The following DGLUCY variants were observed in gnomAD, a reference collection of about 807,000 sequenced individuals.
DGLUCY encodes the protein D-glutamate cyclase.
A neutral mutation model predicts 58.5 loss-of-function variants in DGLUCY; 58 were observed. The observed-to-expected ratio is 0.99, with a 90% CI of 0.80 to 1.23. The LOEUF is 1.23. DGLUCY is among the 50% of genes most tolerant of loss of function. The pLI, the probability that DGLUCY is intolerant of heterozygous loss-of-function variation, is 0.00. For missense variants in DGLUCY, 779 were observed against 784.7 expected, an observed-to-expected ratio of 0.99 and a Z score of 0.09; for synonymous variants, 325 against 314.1, an observed-to-expected ratio of 1.03 and a Z score of -0.37.
intron 1 of DGLUCY, among the ~76,000 whole-genome samples, chr14:91,064,658 G>C (rs903900227): frequency 2.6e-5 from 4 of 151,448 alleles, no homozygotes; most frequent in African/African-American, 9.7e-5. Flanking sequence ...AGAAAAGTTG[G>C]AATAAGAAGG....
chr14:91,102,736 A>AGAGT (rs1555391094), intron 1 of DGLUCY, among the ~76,000 whole-genome samples: 10 of 60,736 alleles, frequency 1.6e-4, no homozygotes, highest in African/African-American at 5.0e-4. Context: ...GACCCCTTCC[A>AGAGT]GTGTGTATGT....
At chr14:91,116,431 A>C (rs1451957700) in intron 1 of DGLUCY, among the ~76,000 whole-genome samples, 3 of 152,242 alleles carry the variant, frequency 2.0e-5, no homozygotes, top group Non-Finnish European at 4.4e-5. Context: ...ATTCAGGCAC[A>C]GCTCTCTGGA....
intron 1 of DGLUCY, among the ~76,000 whole-genome samples, chr14:91,085,221 CAAA>C (rs745438426): frequency 1.8e-4 from 16 of 89,242 alleles, no homozygotes; most frequent in Admixed American, 3.9e-4. Flanking sequence ...AACCCTGTCT[CAAA>C]AAAAAAAAAA....
chr14:91,139,337 C>T (rs1051991010), intron 1 of DGLUCY, among the ~76,000 whole-genome samples: 1 of 152,168 alleles, frequency 6.6e-6, no homozygotes, highest in Non-Finnish European at 1.5e-5. Flanking sequence ...CCTCCTTACT[C>T]AGTCTACTGA....
At chr14:91,086,112 C>A (rs1190412094) in intron 1 of DGLUCY, among the ~76,000 whole-genome samples, 1 of 152,148 alleles carries the variant, frequency 6.6e-6, no homozygotes, top group Non-Finnish European at 1.5e-5. Flanking sequence ...GTTTTGTGCT[C>A]CTTATGAGAA....
chr14:91,065,610 C>G (rs1191917327), intron 1 of DGLUCY, among the ~76,000 whole-genome samples: 1 of 152,098 alleles, frequency 6.6e-6, no homozygotes, highest in Admixed American at 6.5e-5. Context: ...TAAAGCTCCC[C>G]ACATCATTAA....
Position 91,117,646 on chromosome 14 carries a change from T to TACAC in DGLUCY, c.-82+3375_-82+3378dup, listed in dbSNP as rs765720920. ...GGCACAGAGTAAGCTTTTGTTCACA[T>TACAC]ACACACACACACACATACACACACA... On this transcript the variant is annotated intron_variant, in intron 1 of 13. Transcript: ENST00000256324. Among the ~76,000 whole-genome samples, 1,092 of 149,512 alleles carry TACAC rather than the reference T, an allele frequency of 7.3e-3. 5 individuals carry two copies. Among genetic ancestry groups the TACAC allele is most frequent in the Middle Eastern group, 0.034 (10 of 294 alleles).
At chr14:91,189,713 AG>A (rs1220043083) in intron 9 of DGLUCY, 4 of 157,566 alleles carry the variant, frequency 2.5e-5, no homozygotes, top group Non-Finnish European at 2.8e-5. Flanking sequence ...TCCATCCTGC[AG>A]GAAGTGTTAT....
intron 11 of DGLUCY, among the ~76,000 whole-genome samples, chr14:91,200,753 G>A (rs533267858): frequency 6.6e-6 from 1 of 152,190 alleles, no homozygotes; most frequent in Non-Finnish European, 1.5e-5. Context: ...TGTCACGTGC[G>A]TCTGTGTGAA....
chr14:91,107,117 G>A (rs897585528), upstream of DGLUCY, among the ~76,000 whole-genome samples: 2 of 152,162 alleles, frequency 1.3e-5, no homozygotes, highest in Non-Finnish European at 2.9e-5. Flanking sequence ...AAATTTTTAT[G>A]TACAAGCGAG....
chr14:91,184,453 C>CTGAG (rs1015976139), intron 8 of DGLUCY, among the ~76,000 whole-genome samples: 5 of 150,862 alleles, frequency 3.3e-5, no homozygotes, highest in Non-Finnish European at 7.4e-5. Context: ...ACTGGGGAGG[C>CTGAG]TGAGGTGTGC....
At chr14:91,209,246 G>A (rs1311055700) in intron 12 of DGLUCY, among the ~76,000 whole-genome samples, 1 of 152,094 alleles carries the variant, frequency 6.6e-6, no homozygotes, top group Non-Finnish European at 1.5e-5. Context: ...CTGGGGAACA[G>A]AGTGAGATTC....
intron 3 of DGLUCY, among the ~76,000 whole-genome samples, chr14:91,164,716 C>T (rs1476424747): frequency 1.3e-5 from 2 of 152,170 alleles, no homozygotes; most frequent in Non-Finnish European, 2.9e-5. Flanking sequence ...TGTTTGGAAC[C>T]ACCTAAAGCT....
intron 1 of DGLUCY, among the ~76,000 whole-genome samples, chr14:91,108,526 TGAGAGAGA>T (rs1194090963): frequency 3.1e-4 from 16 of 52,120 alleles, no homozygotes; most frequent in African/African-American, 7.6e-4. Context: ...TGTGTGTGTG[TGAGAGAGA>T]GAGAGAGAGA....
chr14:91,167,256 C>A lies in DGLUCY; in HGVS notation c.135C>A (p.Pro45=). The A allele has an allele frequency of 6.2e-7, 1 of 1,611,132 alleles. No homozygotes were observed. Among genetic ancestry groups the A allele is most frequent in the Non-Finnish European group, 8.5e-7 (1 of 1,179,250 alleles). ...ELRPASLVVL[P]RSLAPAFERF... ...GACCAGCCAGCCTGGTGGTCCTGCCCAGGTCCCTTGCTCCAGCTTTTGAAA... is the reference window on the plus strand; with the variant it reads ...GACCAGCCAGCCTGGTGGTCCTGCCAAGGTCCCTTGCTCCAGCTTTTGAAA... Residue 45 remains proline, a synonymous_variant, in exon 4 of 14, where the codon CCC becomes CCA. Transcript: ENST00000256324.
At chr14:91,093,171 G>T (rs543060885) in intron 1 of DGLUCY, among the ~76,000 whole-genome samples, 95 of 151,944 alleles carry the variant, frequency 6.3e-4, no homozygotes, top group African/African-American at 2.2e-3. Flanking sequence ...TGATCATAAT[G>T]ATTGCATAAT....
chr14:91,101,169 T>A (rs1483767275), intron 1 of DGLUCY, among the ~76,000 whole-genome samples: 1 of 152,172 alleles, frequency 6.6e-6, no homozygotes, highest in African/African-American at 2.4e-5. Context: ...ATTTGATAGA[T>A]CAGTGGGGTA....
chr14:91,157,426 G>A lies in DGLUCY; in HGVS notation c.-81-213G>A, dbSNP rs142132551. ...ATTATTAGGTAACTTCTTTGAGCTC[G>A]TTGGACCTCAGTTTCTGTCTGTAAT... On this transcript the variant is annotated intron_variant, in intron 1 of 13. Transcript: ENST00000256324. Among the ~76,000 whole-genome samples, 117 of 152,330 alleles carry A rather than the reference G, an allele frequency of 7.7e-4. 1 individual carries two copies. Among genetic ancestry groups the A allele is most frequent in the Middle Eastern group, 3.4e-3 (1 of 294 alleles).
upstream of DGLUCY, among the ~76,000 whole-genome samples, chr14:91,111,198 A>ATGTGTG (rs1201886405): frequency 6.2e-3 from 203 of 32,644 alleles, 3 homozygotes; most frequent in Non-Finnish European, 7.8e-3. Context: ...TTTTATTTAT[A>ATGTGTG]TATATGTGTG....
Sources: allele counts gnomAD v4.1 joint callset (sites outside exome capture counted in the v4.1 genomes callset), GRCh38; gene constraint gnomAD v4.1.1; transcripts MANE v1.5; gene names NCBI Gene and HGNC (gene_info 2026-07-23, HGNC 2026-07-21).